BRD4: variants seen among roughly 807,000 people sequenced by gnomAD.
BRD4 encodes bromodomain-containing protein 4.
A neutral mutation model predicts 142.1 loss-of-function variants in BRD4; 16 were observed. That is an observed-to-expected ratio of 0.11 (90% CI 0.08 to 0.17). BRD4 has a LOEUF of 0.17. Ranked by LOEUF, BRD4 falls within the 10% of genes least tolerant of loss-of-function variation. The pLI, the probability that BRD4 is intolerant of heterozygous loss-of-function variation, is 1.00. For missense variants in BRD4, 1,424 were observed against 1,810.9 expected (o/e 0.79, Z 3.88); for synonymous variants, 833 against 707.5 (o/e 1.18, Z -2.82).
intron 14 of BRD4, among the ~76,000 whole-genome samples, chr19:15,241,900 C>T (rs538833299): frequency 2.4e-4 from 37 of 151,648 alleles, no homozygotes; most frequent in Admixed American, 6.6e-4. Context: ...GCAACCTCCG[C>T]CTCCCAGACT....
intron 8 of BRD4, 69 bp downstream of exon 8, chr19:15,256,890 CTTAGA>C: frequency 1.5e-6 from 2 of 1,349,580 alleles, no homozygotes; most frequent in Non-Finnish European, 2.0e-6. Context: ...AAGAACATCT[CTTAGA>C]AACTTCTGGG....
intron 11 of BRD4, chr19:15,248,074 A>G (rs965079327): frequency 5.0e-6 from 1 of 198,020 alleles, no homozygotes; most frequent in Admixed American, 6.4e-5. Flanking sequence ...AAGCACCCAC[A>G]ATCTACACTT....
chr19:15,326,171 A>T (rs986097178), intron 1 of BRD4, among the ~76,000 whole-genome samples: 10 of 150,448 alleles, frequency 6.6e-5, no homozygotes, highest in African/African-American at 2.4e-4. Context: ...AAAAAAAAAA[A>T]AAAGGCCGGG....
At chr19:15,304,845 T>G (rs1464417488) in intron 1 of BRD4, among the ~76,000 whole-genome samples, 2 of 152,024 alleles carry the variant, frequency 1.3e-5, no homozygotes, top group East Asian at 3.9e-4. Flanking sequence ...CACACCTGAC[T>G]CCTCACCTTA....
At chr19:15,251,662 G>A (rs759641180) in intron 11 of BRD4, among the ~76,000 whole-genome samples, 1 of 152,144 alleles carries the variant, frequency 6.6e-6, no homozygotes, top group East Asian at 1.9e-4. Flanking sequence ...AGTCCTGTGC[G>A]GGACAGGGCA....
In BRD4 at chr19:15,257,193, C is replaced by T. The variant is rs1479743930; in HGVS notation, c.1342-20G>A. On this transcript the variant is annotated intron_variant, in intron 7 of 19. Transcript: ENST00000679869. Reference sequence around the variant, plus strand: ...CACATCCTGGTGAGGGAAAGACATGCTGTGACGGCTGCTGGGTACCCAGGC... The same window carrying T: ...CACATCCTGGTGAGGGAAAGACATGTTGTGACGGCTGCTGGGTACCCAGGC... The T allele has an allele frequency of 1.9e-6, 3 of 1,580,092 alleles. No individual in the cohort carries two copies. Among genetic ancestry groups the T allele is most frequent in the East Asian group, 4.5e-5 (2 of 43,980 alleles).
In BRD4 at chr19:15,265,488, T is replaced by G. The variant is rs534374230; in HGVS notation, c.715A>C (p.Met239Leu). 153 of 1,610,814 alleles carry G rather than the reference T, an allele frequency of 9.5e-5. 1 individual carries two copies. In the South Asian group the frequency reaches 1.6e-3, roughly 16 times the overall value. The change falls in exon 5 of 20, where the codon ATG (methionine) becomes CTG (leucine). Residue 239 changes from methionine to leucine, a missense_variant. Met to Leu is a conservative substitution (Grantham distance 15). Coordinates refer to ENST00000679869, the MANE Select transcript of BRD4 (RefSeq NM_001379291.1). ...TPDLIVQTPV[M>L]TVVPPQPLQT... ...AGTGGCTGGGGAGGCACCACTGTCA[T>G]GACAGGGGTCTGGACGATGAGGTCC...
intron 4 of BRD4, among the ~76,000 whole-genome samples, chr19:15,266,085 G>A (rs1037775031): frequency 3.9e-5 from 6 of 152,216 alleles, no homozygotes; most frequent in Non-Finnish European, 5.9e-5. Context: ...GAAACTGGCA[G>A]GCCCCCACCT....
chr19:15,291,683 C>CT, intron 1 of BRD4, among the ~76,000 whole-genome samples: 1 of 152,100 alleles, frequency 6.6e-6, no homozygotes, highest in East Asian at 1.9e-4. Flanking sequence ...AACACAGGGG[C>CT]TTGTGGCTTA....
At chr19:15,287,910 A>G (rs1427366521) in intron 1 of BRD4, among the ~76,000 whole-genome samples, 2 of 152,006 alleles carry the variant, frequency 1.3e-5, no homozygotes, top group African/African-American at 4.8e-5. Flanking sequence ...CTGGGACTAC[A>G]GACACGTGCC....
chr19:15,322,867 C>CAA (rs71333367), intron 1 of BRD4, among the ~76,000 whole-genome samples: 2,482 of 65,400 alleles, frequency 0.038, 115 homozygotes, highest in African/African-American at 0.095. Flanking sequence ...ACTCTGTCTC[C>CAA]AAAAAAAAAA....
At chr19:15,300,548 C>T (rs1412632067) in intron 1 of BRD4, among the ~76,000 whole-genome samples, 1 of 151,788 alleles carries the variant, frequency 6.6e-6, no homozygotes, top group Non-Finnish European at 1.5e-5. Flanking sequence ...GTGGGAGACT[C>T]CATCTTAACA....
intron 1 of BRD4, among the ~76,000 whole-genome samples, chr19:15,315,172 G>A (rs944383440): frequency 6.6e-6 from 1 of 151,686 alleles, no homozygotes; most frequent in African/African-American, 2.4e-5. Flanking sequence ...TCCCCCCACA[G>A]GTATTCAGAG....
intron 1 of BRD4, among the ~76,000 whole-genome samples, chr19:15,273,357 A>C (rs1008562685): frequency 6.6e-6 from 1 of 152,182 alleles, no homozygotes; most frequent in Non-Finnish European, 1.5e-5. Context: ...CCAACAGAGG[A>C]GGCAGAGTGA....
Position 15,244,438 on chromosome 19 carries a change from C to A in BRD4, c.2374G>T (p.Ala792Ser). Residue 792 changes from alanine to serine, a missense_variant, in exon 13 of 20, where the codon GCG (alanine) becomes TCG (serine). Coordinates refer to ENST00000679869, the MANE Select transcript of BRD4 (RefSeq NM_001379291.1). ...AAGGGTGGGGGCGAGGACTTCATCG[C>A]CGGGGCTGCCTGCTGCGGCATGGAG... ...PPSMPQQAAP[A>S]MKSSPPPFIA... The A allele has an allele frequency of 7.6e-7, 1 of 1,310,506 alleles. No homozygotes were observed. The allele number at this position is 1,310,506 out of a possible 1,614,324, so 81.2% of individuals were successfully genotyped here. A position where few individuals can be genotyped will look rare whatever the true frequency, so the allele number is the denominator to read the frequency against.
At chr19:15,253,774 G>C (rs747634034) in intron 11 of BRD4, 10 of 1,597,420 alleles carry the variant, frequency 6.3e-6, no homozygotes, top group Non-Finnish European at 8.5e-6. Flanking sequence ...GTCTCCACTG[G>C]TGCAGAAAGC....
At chr19:15,241,159 G>A (rs781680197) in intron 14 of BRD4, among the ~76,000 whole-genome samples, 14 of 152,230 alleles carry the variant, frequency 9.2e-5, no homozygotes, top group Non-Finnish European at 1.3e-4. Context: ...TTTTCCTGGC[G>A]TTGACATCTC....
intron 11 of BRD4, among the ~76,000 whole-genome samples, chr19:15,246,007 C>T (rs981120733): frequency 1.3e-5 from 2 of 152,174 alleles, no homozygotes; most frequent in African/African-American, 4.8e-5. Context: ...GACCTTGTGC[C>T]CTGTAAGAGC....
At chr19:15,241,122 C>T (rs1001420693) in intron 14 of BRD4, among the ~76,000 whole-genome samples, 1 of 152,282 alleles carries the variant, frequency 6.6e-6, no homozygotes, top group African/African-American at 2.4e-5. Flanking sequence ...CATCCTGTCC[C>T]CGCAGCCCAC....
Sources: allele counts gnomAD v4.1 joint callset (sites outside exome capture counted in the v4.1 genomes callset), GRCh38; gene constraint gnomAD v4.1.1; transcripts MANE v1.5; gene names NCBI Gene and HGNC (gene_info 2026-07-23, HGNC 2026-07-21).